The following UBE2G1 variants were observed in gnomAD, a reference collection of about 807,000 sequenced individuals.
The protein encoded by UBE2G1 is ubiquitin-conjugating enzyme E2 G1.
Under a neutral mutation model 22.7 loss-of-function variants are expected in UBE2G1, and 5 were observed. The observed-to-expected ratio is 0.22, with a 90% CI of 0.12 to 0.46. The LOEUF is 0.46. Among genes scored for constraint, UBE2G1 ranks in the 20% least tolerant of loss-of-function variants. The probability of loss-of-function intolerance (pLI) is 0.99; values close to 1 mark genes in which losing one functional copy is unlikely to be tolerated. For missense variants in UBE2G1, 88 were observed against 203.9 expected (o/e 0.43, Z 3.46); for synonymous variants, 74 against 67.5 (o/e 1.10, Z -0.47).
intron 1 of UBE2G1, among the ~76,000 whole-genome samples, chr17:4,336,644 A>G (rs750753371): frequency 1.0e-3 from 153 of 152,244 alleles, no homozygotes; most frequent in Non-Finnish European, 1.9e-3. Flanking sequence ...CTCCTGCCTC[A>G]GCCTCCAAAG....
chr17:4,355,451 GGCCA>G (rs1969895045), intron 1 of UBE2G1, among the ~76,000 whole-genome samples: 1 of 149,328 alleles, frequency 6.7e-6, no homozygotes, highest in South Asian at 2.1e-4. Flanking sequence ...GACTAGCCAT[GGCCA>G]GCATGGTGAA....
At chr17:4,286,469 CAACT>C (rs1202988958) in intron 4 of UBE2G1, among the ~76,000 whole-genome samples, 1 of 150,026 alleles carries the variant, frequency 6.7e-6, no homozygotes, top group Non-Finnish European at 1.5e-5. Flanking sequence ...TAATATGAGA[CAACT>C]AACTAGTTAA....
At chr17:4,339,055 T>A (rs187014426) in intron 1 of UBE2G1, among the ~76,000 whole-genome samples, 88 of 152,274 alleles carry the variant, frequency 5.8e-4, no homozygotes, top group African/African-American at 2.1e-3. Flanking sequence ...ATTCTTTCCT[T>A]TTAATATCAG....
At chr17:4,337,579 G>C (rs2143789648) in intron 1 of UBE2G1, among the ~76,000 whole-genome samples, 1 of 151,114 alleles carries the variant, frequency 6.6e-6, no homozygotes, top group East Asian at 1.9e-4. Flanking sequence ...CTTGAACCCG[G>C]GAGGTGGAGG....
chr17:4,285,894 T>G (rs1027818388), intron 4 of UBE2G1, among the ~76,000 whole-genome samples: 1 of 150,514 alleles, frequency 6.6e-6, no homozygotes. Context: ...GAGGTTGCAG[T>G]GAGCTGAGAT....
At chr17:4,287,706 C>T (rs1326619386) in intron 4 of UBE2G1, among the ~76,000 whole-genome samples, 1 of 151,864 alleles carries the variant, frequency 6.6e-6, no homozygotes, top group Non-Finnish European at 1.5e-5. Context: ...AAATTTTATG[C>T]CCTGGCTTTG....
chr17:4,271,514 C>T lies in UBE2G1; in HGVS notation c.*1040G>A, dbSNP rs1181428923. ...AATCAAATTACATGAAAATATACAT[C>T]GCAATTTCTTTGTACAATAGGTGAG... On this transcript the variant is annotated 3_prime_UTR_variant, in exon 6 of 6. Transcript: ENST00000396981. The T allele has an allele frequency of 2.0e-5, 3 of 151,302 alleles. No individual in the cohort carries two copies. The highest frequency in any genetic ancestry group is 3.9e-4 in the East Asian group (2 of 5,158). The allele number at this position is 151,302 out of a possible 1,614,324, so 9.4% of individuals were successfully genotyped here.
chr17:4,283,919 G>A (rs1158129275), intron 4 of UBE2G1, among the ~76,000 whole-genome samples: 1 of 152,124 alleles, frequency 6.6e-6, no homozygotes, highest in Non-Finnish European at 1.5e-5. Flanking sequence ...GGGAGGCCGA[G>A]GCAGGACCTC....
At chr17:4,300,583 A>C (rs1023533355) in intron 2 of UBE2G1, among the ~76,000 whole-genome samples, 1 of 152,200 alleles carries the variant, frequency 6.6e-6, no homozygotes, top group East Asian at 1.9e-4. Flanking sequence ...AATAAAATTT[A>C]AAAAGGCACC....
intron 5 of UBE2G1, among the ~76,000 whole-genome samples, chr17:4,278,114 G>A (rs2143673875): frequency 6.6e-6 from 1 of 152,274 alleles, no homozygotes; most frequent in South Asian, 2.1e-4. Context: ...TGGCCAGGCT[G>A]GTCTTGAACT....
chr17:4,290,904 G>C (rs1302409488), intron 3 of UBE2G1, among the ~76,000 whole-genome samples: 1 of 151,550 alleles, frequency 6.6e-6, no homozygotes, highest in African/African-American at 2.4e-5. Context: ...CCTACTGCAT[G>C]CCAGGCACAC....
intron 1 of UBE2G1, among the ~76,000 whole-genome samples, chr17:4,329,831 T>C (rs1350906311): frequency 6.6e-6 from 1 of 151,828 alleles, no homozygotes; most frequent in South Asian, 2.1e-4. Context: ...GGTATGCTTT[T>C]TTTTTTTAGA....
intron 1 of UBE2G1, among the ~76,000 whole-genome samples, chr17:4,334,596 T>TGG (rs1969622809): frequency 6.6e-6 from 1 of 152,172 alleles, no homozygotes; most frequent in South Asian, 2.1e-4. Context: ...TGGAGTGCAG[T>TGG]GGCACAATCT....
intron 1 of UBE2G1, among the ~76,000 whole-genome samples, chr17:4,346,141 A>AT (rs2143807005): frequency 6.6e-6 from 1 of 152,308 alleles, no homozygotes; most frequent in South Asian, 2.1e-4. Context: ...CTGAAGACCA[A>AT]TTTTAACTCA....
chr17:4,304,902 T>C (rs1388523548), intron 2 of UBE2G1, among the ~76,000 whole-genome samples: 1 of 152,020 alleles, frequency 6.6e-6, no homozygotes, highest in African/African-American at 2.4e-5. Flanking sequence ...TCCATTCCAC[T>C]GAAATAATTA....
intron 2 of UBE2G1, chr17:4,302,585 G>T: frequency 2.6e-6 from 1 of 391,718 alleles, no homozygotes; most frequent in Non-Finnish European, 5.1e-6. Flanking sequence ...CATTGCCTGT[G>T]ATTCTATGTG....
intron 2 of UBE2G1, chr17:4,301,946 A>G: frequency 2.1e-6 from 1 of 479,340 alleles, no homozygotes; most frequent in Non-Finnish European, 4.2e-6. Context: ...GATTGGGGGT[A>G]TAAAATGTAT....
chr17:4,362,703 T>A (rs1969982593), intron 1 of UBE2G1, among the ~76,000 whole-genome samples: 1 of 152,200 alleles, frequency 6.6e-6, no homozygotes, highest in African/African-American at 2.4e-5. Context: ...GGAAATTTTA[T>A]ACAAAAATTA....
chr17:4,333,692 G>A (rs1307324155), intron 1 of UBE2G1, among the ~76,000 whole-genome samples: 2 of 151,884 alleles, frequency 1.3e-5, no homozygotes, highest in Non-Finnish European at 2.9e-5. Flanking sequence ...GTGGTGGCAC[G>A]CACCTGTAGT....
Sources: allele counts gnomAD v4.1 joint callset (sites outside exome capture counted in the v4.1 genomes callset), GRCh38; gene constraint gnomAD v4.1.1; transcripts MANE v1.5; gene names NCBI Gene and HGNC (gene_info 2026-07-23, HGNC 2026-07-21).